The following KCNH7 variants were observed in gnomAD, a reference collection of about 807,000 sequenced individuals.
KCNH7 encodes the protein voltage-gated inwardly rectifying potassium channel KCNH7.
Under a neutral mutation model 120.8 loss-of-function variants are expected in KCNH7, and 49 were observed. That is an observed-to-expected ratio of 0.41 (90% CI 0.32 to 0.51). The LOEUF (loss-of-function observed/expected upper bound fraction) is 0.51, where lower values mean the gene tolerates loss of function less well. Ranked by LOEUF, KCNH7 falls within the 20% of genes least tolerant of loss-of-function variation. KCNH7 has a pLI of 0.38. For synonymous variants in KCNH7, 547 were observed against 516.1 expected, an observed-to-expected ratio of 1.06 and a Z score of -0.81; for missense variants, 1,097 against 1,446.6, an observed-to-expected ratio of 0.76 and a Z score of 3.92.
chr2:162,399,725 C>G (rs915728342), intron 10 of KCNH7, among the ~76,000 whole-genome samples: 1 of 151,844 alleles, frequency 6.6e-6, no homozygotes, highest in Non-Finnish European at 1.5e-5. Flanking sequence ...TCCATTTAAT[C>G]CGACGCGGCA....
intron 6 of KCNH7, among the ~76,000 whole-genome samples, chr2:162,485,898 C>T (rs1872565): frequency 0.036 from 5,462 of 152,206 alleles, 174 homozygotes; most frequent in East Asian, 0.1. Flanking sequence ...CTATTACATC[C>T]TTTTTTTCCC....
At chr2:162,579,951 T>C (rs1216882721) in intron 2 of KCNH7, among the ~76,000 whole-genome samples, 1 of 152,058 alleles carries the variant, frequency 6.6e-6, no homozygotes, top group Non-Finnish European at 1.5e-5. Context: ...CTTGTTTTCT[T>C]GGATTGGAAA....
intron 2 of KCNH7, among the ~76,000 whole-genome samples, chr2:162,803,673 A>G (rs1201490070): frequency 6.6e-6 from 1 of 151,754 alleles, no homozygotes; most frequent in African/African-American, 2.4e-5. Context: ...TGAAAGAATC[A>G]CCCCTGGAAT....
At chr2:162,423,205 G>C in intron 9 of KCNH7, 131 bp downstream of exon 9, 1 of 1,563,450 alleles carries the variant, frequency 6.4e-7, no homozygotes, top group Non-Finnish European at 8.7e-7. Context: ...TATCTCCAGG[G>C]GAGAAAATAC....
intron 6 of KCNH7, chr2:162,502,365 G>A (rs1292594817): frequency 1.3e-5 from 2 of 151,974 alleles, no homozygotes; most frequent in African/African-American, 2.4e-5. Flanking sequence ...ACATGACATT[G>A]CTTGTTATGG....
intron 9 of KCNH7, among the ~76,000 whole-genome samples, chr2:162,406,888 A>G (rs1338708575): frequency 1.3e-5 from 2 of 152,032 alleles, no homozygotes; most frequent in Non-Finnish European, 2.9e-5. Flanking sequence ...ATTGAGAAAT[A>G]GGAAACATAC....
At chr2:162,677,487 G>A (rs185741019) in intron 2 of KCNH7, among the ~76,000 whole-genome samples, 1 of 151,540 alleles carries the variant, frequency 6.6e-6, no homozygotes, top group African/African-American at 2.4e-5. Flanking sequence ...ACATTTGAGA[G>A]AGCCATCAAT....
At chr2:162,732,945 G>A (rs1394234944) in intron 2 of KCNH7, among the ~76,000 whole-genome samples, 2 of 152,190 alleles carry the variant, frequency 1.3e-5, no homozygotes, top group African/African-American at 4.8e-5. Context: ...TGAATTCATT[G>A]ATAACATTTG....
At chr2:162,815,477 T>C (rs943878989) in intron 2 of KCNH7, among the ~76,000 whole-genome samples, 4 of 152,194 alleles carry the variant, frequency 2.6e-5, no homozygotes, top group East Asian at 3.9e-4. Flanking sequence ...TGCAACTGTA[T>C]GTGCAGTAGG....
At chr2:162,484,220 A>AAC (rs71960380) in intron 6 of KCNH7, among the ~76,000 whole-genome samples, 12,858 of 146,730 alleles carry the variant, frequency 0.088, 1,155 homozygotes, top group African/African-American at 0.24. Context: ...TGAGTCTTTC[A>AAC]ACACACACAC....
At chr2:162,698,968 T>TTA (rs1429575818) in intron 2 of KCNH7, among the ~76,000 whole-genome samples, 2 of 152,100 alleles carry the variant, frequency 1.3e-5, no homozygotes, top group Non-Finnish European at 2.9e-5. Flanking sequence ...CAAATAAAAA[T>TTA]TATATATCTT....
intron 2 of KCNH7, among the ~76,000 whole-genome samples, chr2:162,780,937 A>T (rs998802591): frequency 3.9e-5 from 6 of 152,158 alleles, no homozygotes; most frequent in African/African-American, 9.6e-5. Flanking sequence ...TTAAATTGCC[A>T]TCATTGTTTA....
intron 2 of KCNH7, among the ~76,000 whole-genome samples, chr2:162,540,845 G>A (rs1247732194): frequency 6.6e-6 from 1 of 152,100 alleles, no homozygotes; most frequent in African/African-American, 2.4e-5. Flanking sequence ...GATGGAAGGA[G>A]GGAGACCAGT....
chr2:162,441,391 T>C (rs1352621889), intron 7 of KCNH7, among the ~76,000 whole-genome samples: 2 of 152,184 alleles, frequency 1.3e-5, no homozygotes, highest in Non-Finnish European at 2.9e-5. Context: ...AAATCAAACA[T>C]ATTATTATGA....
At chr2:162,474,437 G>C (rs890620074) in intron 6 of KCNH7, among the ~76,000 whole-genome samples, 1 of 152,206 alleles carries the variant, frequency 6.6e-6, no homozygotes, top group African/African-American at 2.4e-5. Flanking sequence ...TGGAGGTTCT[G>C]AAACTAATTA....
At chr2:162,608,858 T>C (rs929367625) in intron 2 of KCNH7, among the ~76,000 whole-genome samples, 1 of 152,226 alleles carries the variant, frequency 6.6e-6, no homozygotes. Context: ...TGGTTTTATA[T>C]TGCTACTTAG....
At position 162,470,601 on chromosome 2, in the gene KCNH7, C is replaced by G. The variant is rs1050456190; in HGVS notation, c.1129-24158G>C. On this transcript the variant is annotated intron_variant, in intron 6 of 15. Coordinates refer to ENST00000332142, the MANE Select transcript of KCNH7 (RefSeq NM_033272.4). ...GGGGGTCAGCCCCCGCCAGGCCGGCCGCCCCATCCGGGAGGGAGGTGGGGG... is the reference window on the plus strand; with the variant it reads ...GGGGGTCAGCCCCCGCCAGGCCGGCGGCCCCATCCGGGAGGGAGGTGGGGG... Among the ~76,000 whole-genome samples, 63 of 151,842 alleles carry G rather than the reference C, an allele frequency of 4.1e-4. 1 individual carries two copies. Among genetic ancestry groups the G allele is most frequent in the Non-Finnish European group, 5.7e-4 (39 of 67,892 alleles).
At chr2:162,769,633 G>T (rs1487104012) in intron 2 of KCNH7, among the ~76,000 whole-genome samples, 1 of 151,614 alleles carries the variant, frequency 6.6e-6, no homozygotes, top group Non-Finnish European at 1.5e-5. Flanking sequence ...ATATACTATA[G>T]CTTATGTATA....
intron 2 of KCNH7, among the ~76,000 whole-genome samples, chr2:162,632,925 C>G (rs547171094): frequency 3.8e-4 from 57 of 151,644 alleles, no homozygotes; most frequent in African/African-American, 1.3e-3. Flanking sequence ...GAAAGACTTT[C>G]TAAATAAAAT....
Sources: allele counts gnomAD v4.1 joint callset (sites outside exome capture counted in the v4.1 genomes callset), GRCh38; gene constraint gnomAD v4.1.1; transcripts MANE v1.5; gene names NCBI Gene and HGNC (gene_info 2026-07-23, HGNC 2026-07-21).